TCF7L2: variants seen among roughly 807,000 people sequenced by gnomAD.
TCF7L2 encodes the protein transcription factor 7 like 2.
A neutral mutation model predicts 77.9 loss-of-function variants in TCF7L2; 23 were observed. That is an observed-to-expected ratio of 0.30 (90% CI 0.21 to 0.42). The LOEUF is 0.42. Among genes scored for constraint, TCF7L2 ranks in the 10% least tolerant of loss-of-function variants. The probability of loss-of-function intolerance (pLI) is 1.00; values close to 1 mark genes in which losing one functional copy is unlikely to be tolerated. For missense variants in TCF7L2, 654 were observed against 793.1 expected (o/e 0.82, Z 2.11); for synonymous variants, 413 against 340.2 (o/e 1.21, Z -2.36).
rs546433688 is a variant in TCF7L2, at chr10:112,971,684, C to T, written c.450+7060C>T. Reference sequence around the variant, plus strand: ...CTGGAATGCAGTGGCGTGATGTCGGCTCACTGCAACCTCCGCTTCCCGGGT... The same window carrying T: ...CTGGAATGCAGTGGCGTGATGTCGGTTCACTGCAACCTCCGCTTCCCGGGT... On this transcript the variant is annotated intron_variant, in intron 4 of 13. Transcript: ENST00000627217. Among the ~76,000 whole-genome samples, 14 of 151,494 alleles carry T rather than the reference C, an allele frequency of 9.2e-5. No individual in the cohort carries two copies. In the South Asian group the frequency reaches 2.9e-3, roughly 32 times the overall value.
intron 5 of TCF7L2, among the ~76,000 whole-genome samples, chr10:113,088,184 T>G (rs2060023125): frequency 6.6e-6 from 1 of 152,130 alleles, no homozygotes; most frequent in Non-Finnish European, 1.5e-5. Context: ...GGTTGTGAAA[T>G]CGCCCTTCTT....
intron 4 of TCF7L2, among the ~76,000 whole-genome samples, chr10:113,016,086 A>G (rs1169657552): frequency 6.8e-6 from 1 of 148,044 alleles, no homozygotes; most frequent in East Asian, 2.0e-4. Context: ...TTTAATTGAG[A>G]CGGAGTCTTG....
intron 5 of TCF7L2, among the ~76,000 whole-genome samples, chr10:113,105,034 CT>C (rs2062110434): frequency 6.6e-6 from 1 of 152,204 alleles, no homozygotes; most frequent in South Asian, 2.1e-4. Context: ...ATTAACTTGA[CT>C]TTGTGGGACA....
intron 11 of TCF7L2, among the ~76,000 whole-genome samples, chr10:113,154,189 G>C (rs1006622161): frequency 6.6e-6 from 1 of 152,146 alleles, no homozygotes; most frequent in Non-Finnish European, 1.5e-5. Flanking sequence ...ATGAGAAAGT[G>C]AATGCTCTCC....
chr10:113,159,146 CT>C lies in TCF7L2; in HGVS notation c.1318+1085del, dbSNP rs142664442. Reference sequence around the variant, plus strand: ...CGCAGTATGATTATTTTTTCCTTTGCTTTTTTTTATTTTAGTTTTTTCTTTC... The same window carrying C: ...CGCAGTATGATTATTTTTTCCTTTGCTTTTTTTATTTTAGTTTTTTCTTTC... On this transcript the variant is annotated intron_variant, in intron 12 of 13. Coordinates refer to ENST00000627217, the MANE Select transcript of TCF7L2 (RefSeq NM_001146274.2). Among the ~76,000 whole-genome samples the C allele has an allele frequency of 2.5e-4, 37 of 148,874 alleles. 1 individual carries two copies. Among genetic ancestry groups the C allele is most frequent in the South Asian group, 1.1e-3 (5 of 4,728 alleles).
rs1564722137 is a variant in TCF7L2, at chr10:112,966,209, TA to T, written c.450+1586del. ...TTATATATATATATATATATATATATATTTTCTTTTCTTGATTACTTCTGCA... is the reference window on the plus strand; with the variant it reads ...TTATATATATATATATATATATATATTTTTCTTTTCTTGATTACTTCTGCA... On this transcript the variant is annotated intron_variant, in intron 4 of 13. Coordinates refer to ENST00000627217, the MANE Select transcript of TCF7L2 (RefSeq NM_001146274.2). Among the ~76,000 whole-genome samples, 334 of 131,486 alleles carry T rather than the reference TA, an allele frequency of 2.5e-3. 6 individuals carry two copies. The highest frequency in any genetic ancestry group is 4.2e-3 in the Non-Finnish European group (254 of 60,030). The allele number at this position is 131,486 out of a possible 152,430, so 86.3% of individuals were successfully genotyped here.
chr10:113,070,865 C>G (rs1012236825), intron 5 of TCF7L2, among the ~76,000 whole-genome samples: 2 of 152,172 alleles, frequency 1.3e-5, no homozygotes, highest in South Asian at 4.1e-4. Flanking sequence ...GTTGTGCGAG[C>G]ATCGTCACAG....
At chr10:113,018,874 G>A (rs946229988) in intron 4 of TCF7L2, among the ~76,000 whole-genome samples, 3 of 152,116 alleles carry the variant, frequency 2.0e-5, no homozygotes, top group Non-Finnish European at 2.9e-5. Context: ...ACCTAGCACC[G>A]GCCAGCTGCG....
Position 113,158,043 on chromosome 10 carries a change from G to A in TCF7L2, c.1292G>A (p.Arg431Lys), listed in dbSNP as rs763807135. 2.5e-6 allele frequency: 4 copies of A among 1,597,898 alleles called. No individual in the cohort carries two copies. Among genetic ancestry groups the A allele is most frequent in the Non-Finnish European group, 3.4e-6 (4 of 1,171,454 alleles). Residue 431 changes from arginine (R) to lysine (K), a missense_variant, in exon 12 of 14, where the codon AGG becomes AAG. Physicochemically the swap from Arg to Lys is conservative, Grantham distance 26 (BLOSUM62 2). Coordinates refer to ENST00000627217, the MANE Select transcript of TCF7L2 (RefSeq NM_001146274.2). ...TAGGGAAAGAAGAAGAAGAGGAAAA[G>A]GGACAAGCAGCCGGGAGAGACCAAT...
At chr10:112,986,235 G>C (rs1348573393) in intron 4 of TCF7L2, among the ~76,000 whole-genome samples, 2 of 151,972 alleles carry the variant, frequency 1.3e-5, no homozygotes, top group African/African-American at 4.8e-5. Context: ...AGCTTGCATG[G>C]GGGGAGTGAG....
At chr10:113,065,623 G>A (rs1591235681) in intron 5 of TCF7L2, among the ~76,000 whole-genome samples, 1 of 152,308 alleles carries the variant, frequency 6.6e-6, no homozygotes. Flanking sequence ...GGGTCATGTA[G>A]CCTGGTGGTT....
At chr10:112,975,733 C>T (rs1169996864) in intron 4 of TCF7L2, among the ~76,000 whole-genome samples, 3 of 152,202 alleles carry the variant, frequency 2.0e-5, no homozygotes, top group South Asian at 2.1e-4. Context: ...CCGCCCGTCT[C>T]GGCCTCCCAA....
chr10:113,147,281 T>C (rs2069656191), intron 8 of TCF7L2, among the ~76,000 whole-genome samples: 1 of 152,148 alleles, frequency 6.6e-6, no homozygotes. Context: ...GTGGCCAACA[T>C]GGGAAGCCAA....
At chr10:113,034,609 A>AT (rs1032365749) in intron 4 of TCF7L2, among the ~76,000 whole-genome samples, 1 of 152,092 alleles carries the variant, frequency 6.6e-6, no homozygotes, top group South Asian at 2.1e-4. Context: ...AATTAATTCG[A>AT]TTTTTTTGGT....
At chr10:113,007,071 T>C (rs1278414125) in intron 4 of TCF7L2, among the ~76,000 whole-genome samples, 1 of 152,252 alleles carries the variant, frequency 6.6e-6, no homozygotes, top group Non-Finnish European at 1.5e-5. Flanking sequence ...TCCTTGTGTA[T>C]TACCTGGGAT....
rs918629420 is a variant in TCF7L2 at position 113,111,235 on chromosome 10, G to A, written c.553-29949G>A. On this transcript the variant is annotated intron_variant, in intron 5 of 13. Transcript: ENST00000627217. Reference sequence around the variant, plus strand: ...TTATACCATCAAGGTACTCTGGGGTGTATCTGTCAGCTTTTTGACAGTTGT... The same window carrying A: ...TTATACCATCAAGGTACTCTGGGGTATATCTGTCAGCTTTTTGACAGTTGT... 6.6e-5 allele frequency among the ~76,000 whole-genome samples: 10 copies of A among 152,274 alleles called. No homozygotes were observed. The East Asian group carries it at 7.7e-4, about 12-fold the overall frequency.
At chr10:113,075,538 T>G (rs1333022968) in intron 5 of TCF7L2, among the ~76,000 whole-genome samples, 1 of 152,174 alleles carries the variant, frequency 6.6e-6, no homozygotes, top group Non-Finnish European at 1.5e-5. Flanking sequence ...TTTTTTAATG[T>G]TGCCAATTAC....
intron 5 of TCF7L2, among the ~76,000 whole-genome samples, chr10:113,140,799 G>A (rs1233056130): frequency 6.6e-6 from 1 of 152,144 alleles, no homozygotes; most frequent in African/African-American, 2.4e-5. Flanking sequence ...GTGCCTCCTG[G>A]AGGTGGGGCC....
At chr10:113,128,035 C>T (rs1252167312) in intron 5 of TCF7L2, among the ~76,000 whole-genome samples, 1 of 151,950 alleles carries the variant, frequency 6.6e-6, no homozygotes, top group Non-Finnish European at 1.5e-5. Flanking sequence ...TAAGAAATTG[C>T]GTGTGTGACA....
Sources: gnomAD v4.1 joint callset for allele counts (sites outside exome capture counted in the v4.1 genomes callset) on GRCh38, gnomAD v4.1.1 for gene constraint, MANE v1.5 for transcripts, NCBI Gene and HGNC (gene_info 2026-07-23, HGNC 2026-07-21) for gene names.